The following MAGI2 variants were observed in gnomAD, a reference collection of about 807,000 sequenced individuals.
MAGI2 encodes membrane-associated guanylate kinase, WW and PDZ domain-containing protein 2.
MAGI2 carries 35 observed loss-of-function variants against 133.3 expected under a neutral mutation model. The observed-to-expected ratio is 0.26, with a 90% CI of 0.20 to 0.35. The LOEUF (loss-of-function observed/expected upper bound fraction) is 0.35. Among genes scored for constraint, MAGI2 ranks in the 10% least tolerant of loss-of-function variants. The pLI is 1.00. For synonymous variants in MAGI2, 729 were observed against 710.6 expected, an observed-to-expected ratio of 1.03 and a Z score of -0.41; for missense variants, 1,636 against 1,863.4, an observed-to-expected ratio of 0.88 and a Z score of 2.25.
At chr7:78,068,414 C>A (rs1365868977) in intron 21 of MAGI2, among the ~76,000 whole-genome samples, 1 of 152,026 alleles carries the variant, frequency 6.6e-6, no homozygotes, top group Non-Finnish European at 1.5e-5. Context: ...AAGACTGAAC[C>A]CTAGTGTCAA....
chr7:79,247,507 G>A (rs1014579550), intron 1 of MAGI2, among the ~76,000 whole-genome samples: 1 of 151,982 alleles, frequency 6.6e-6, no homozygotes, highest in Non-Finnish European at 1.5e-5. Flanking sequence ...CAGCTGCTTG[G>A]GAGACAAGGG....
At chr7:79,441,760 A>T (rs1337167980) in intron 1 of MAGI2, among the ~76,000 whole-genome samples, 2 of 151,920 alleles carry the variant, frequency 1.3e-5, no homozygotes, top group African/African-American at 4.8e-5. Context: ...TACATTTTTG[A>T]TTTCTCACCA....
intron 3 of MAGI2, among the ~76,000 whole-genome samples, chr7:78,534,478 TGTGTGC>T (rs899441888): frequency 6.6e-6 from 1 of 152,204 alleles, no homozygotes; most frequent in East Asian, 1.9e-4. Flanking sequence ...TATATATGTG[TGTGTGC>T]GTGTGCTCCC....
intron 2 of MAGI2, among the ~76,000 whole-genome samples, chr7:78,765,344 T>G (rs967157190): frequency 7.2e-4 from 2 of 2,766 alleles, no homozygotes; most frequent in Non-Finnish European, 1.5e-3. Context: ...AGTGCACATC[T>G]TTTTTTTTTT....
At position 78,017,668 on chromosome 7, in the gene MAGI2, T is replaced by G. The variant is rs1389686373; in HGVS notation, c.*1647A>C. The G allele has an allele frequency of 1.3e-5, 2 of 152,670 alleles. No individual in the cohort carries two copies. The highest frequency in any genetic ancestry group is 2.9e-5 in the Non-Finnish European group (2 of 68,038). The allele number at this position is 152,670 out of a possible 1,614,324, so 9.5% of individuals were successfully genotyped here. A position where few individuals can be genotyped will look rare whatever the true frequency, so the allele number is the denominator to read the frequency against. On this transcript the variant is annotated 3_prime_UTR_variant, in exon 22 of 22. Transcript: ENST00000354212. ...TTTACAAGCTGCAAGATCCTTCACT[T>G]GAGGCTTTCAGCCTTATTCTCCTCC... is the stretch of plus-strand genomic sequence containing the variant.
chr7:79,289,306 C>G (rs1254646368), intron 1 of MAGI2, among the ~76,000 whole-genome samples: 1 of 152,120 alleles, frequency 6.6e-6, no homozygotes, highest in Non-Finnish European at 1.5e-5. Flanking sequence ...AATATCACCA[C>G]TAAAAATTAA....
intron 1 of MAGI2, among the ~76,000 whole-genome samples, chr7:79,259,953 C>T (rs1918936): frequency 0.62 from 94,081 of 152,096 alleles, 30,249 homozygotes; most frequent in Non-Finnish European, 0.71. Context: ...CAAATTAAAA[C>T]TGGTGAGAAT....
chr7:78,288,334 T>C (rs997606995), intron 9 of MAGI2, among the ~76,000 whole-genome samples: 12 of 152,350 alleles, frequency 7.9e-5, no homozygotes, highest in Admixed American at 6.5e-4. Flanking sequence ...TTATTTGTAT[T>C]TTCCCATTAA....
intron 2 of MAGI2, among the ~76,000 whole-genome samples, chr7:78,904,341 A>G (rs1797838714): frequency 6.6e-6 from 1 of 152,200 alleles, no homozygotes; most frequent in Admixed American, 6.5e-5. Flanking sequence ...AAAAAAATCA[A>G]TAATACTAGT....
intron 18 of MAGI2, 117 bp downstream of exon 18, chr7:78,132,772 G>C: frequency 6.9e-7 from 1 of 1,455,746 alleles, no homozygotes; most frequent in East Asian, 2.3e-5. Context: ...AGGTATGCAC[G>C]GCGATTTCTA....
At chr7:78,184,378 T>C (rs1197758708) in intron 13 of MAGI2, 1 of 152,212 alleles carries the variant, frequency 6.6e-6, no homozygotes, top group Non-Finnish European at 1.5e-5. Flanking sequence ...CACTAAATAA[T>C]ATCTTCCATA....
At chr7:79,274,030 C>A (rs1176335263) in intron 1 of MAGI2, among the ~76,000 whole-genome samples, 1 of 152,038 alleles carries the variant, frequency 6.6e-6, no homozygotes, top group Non-Finnish European at 1.5e-5. Flanking sequence ...AGCCTTGATG[C>A]ACATGAGACT....
chr7:78,860,623 C>T (rs1038098695), intron 2 of MAGI2, among the ~76,000 whole-genome samples: 3 of 152,014 alleles, frequency 2.0e-5, no homozygotes, highest in African/African-American at 2.4e-5. Flanking sequence ...CTCAGAGGGG[C>T]CCCCGGCTGT....
intron 1 of MAGI2, among the ~76,000 whole-genome samples, chr7:79,166,882 A>C (rs771982866): frequency 1.3e-5 from 2 of 152,044 alleles, no homozygotes; most frequent in African/African-American, 2.4e-5. Context: ...AAGATCAGTG[A>C]AATCAGTACA....
chr7:78,360,109 T>A (rs1307019479), intron 7 of MAGI2, among the ~76,000 whole-genome samples: 1 of 152,242 alleles, frequency 6.6e-6, no homozygotes, highest in Non-Finnish European at 1.5e-5. Flanking sequence ...TTCTGTTTCA[T>A]TATTCAATTA....
At chr7:78,721,726 G>A (rs1319954605) in intron 2 of MAGI2, among the ~76,000 whole-genome samples, 1 of 151,930 alleles carries the variant, frequency 6.6e-6, no homozygotes, top group Admixed American at 6.6e-5. Flanking sequence ...AGGCTGAAGG[G>A]TAAGATTTGT....
chr7:78,570,592 G>A (rs1312997410), intron 3 of MAGI2, among the ~76,000 whole-genome samples: 1 of 152,080 alleles, frequency 6.6e-6, no homozygotes, highest in Non-Finnish European at 1.5e-5. Context: ...TCTGTGATAG[G>A]AACATGATAA....
At chr7:78,952,317 G>A (rs931401160) in intron 2 of MAGI2, among the ~76,000 whole-genome samples, 1 of 152,098 alleles carries the variant, frequency 6.6e-6, no homozygotes, top group African/African-American at 2.4e-5. Flanking sequence ...TACACTAGGA[G>A]AAACACTTAC....
intron 2 of MAGI2, among the ~76,000 whole-genome samples, chr7:78,929,790 T>C (rs1037391402): frequency 4.6e-5 from 7 of 152,088 alleles, no homozygotes; most frequent in African/African-American, 1.4e-4. Context: ...CATAAGATAA[T>C]GTATTCATAG....
Sources: gnomAD v4.1 joint callset for allele counts (sites outside exome capture counted in the v4.1 genomes callset) on GRCh38, gnomAD v4.1.1 for gene constraint, MANE v1.5 for transcripts, NCBI Gene and HGNC (gene_info 2026-07-23, HGNC 2026-07-21) for gene names.